The following AGAP1 variants were observed in gnomAD, a reference collection of about 807,000 sequenced individuals.
AGAP1 encodes ArfGAP with GTPase domain, ankyrin repeat and PH domain 1.
Under a neutral mutation model 105.3 loss-of-function variants are expected in AGAP1, and 29 were observed. The ratio of observed to expected loss-of-function variants is 0.28; its 90% CI spans 0.21 to 0.38. The LOEUF (loss-of-function observed/expected upper bound fraction) is 0.38, where lower values mean the gene tolerates loss of function less well. AGAP1 is among the 10% of genes least tolerant of loss of function. AGAP1 has a pLI of 1.00. For synonymous variants in AGAP1, 509 were observed against 485.9 expected, an observed-to-expected ratio of 1.05 and a Z score of -0.63; for missense variants, 998 against 1,165.1, an observed-to-expected ratio of 0.86 and a Z score of 2.09.
At chr2:235,802,533 T>C (rs971066806) in intron 8 of AGAP1, among the ~76,000 whole-genome samples, 11 of 152,188 alleles carry the variant, frequency 7.2e-5, no homozygotes, top group Non-Finnish European at 1.6e-4. Context: ...ACCACTGCAA[T>C]AGGTTTGCAT....
intron 9 of AGAP1, among the ~76,000 whole-genome samples, chr2:235,859,404 C>CG (rs2048829262): frequency 4.0e-5 from 4 of 98,976 alleles, no homozygotes; most frequent in African/African-American, 8.9e-5. Flanking sequence ...CCCCCCCCCC[C>CG]CCCGCCTTTT....
chr2:235,962,003 C>T lies in AGAP1; in HGVS notation c.1484-6459C>T, dbSNP rs73130482. ...CTGCTGGGGACAGGCTGGGGCAGGG[C>T]GGGGTGGAGGGTGTCCTCTTCTGAT... is the stretch of plus-strand genomic sequence containing the variant. On this transcript the variant is annotated intron_variant, in intron 12 of 17. Coordinates refer to ENST00000304032, the MANE Select transcript of AGAP1 (RefSeq NM_001037131.3). The surrounding 1 kb of genome is among the most constrained non-coding windows in gnomAD (Gnocchi z 5.3). Among the ~76,000 whole-genome samples, 854 of 152,206 alleles carry T rather than the reference C, an allele frequency of 5.6e-3. 5 individuals carry two copies. The highest frequency in any genetic ancestry group is 0.019 in the African/African-American group (804 of 41,540).
rs148142474 is a variant in AGAP1 at position 235,690,153 on chromosome 2, CT to C, written c.164-19025del. 1.3e-4 allele frequency among the ~76,000 whole-genome samples: 20 copies of C among 152,138 alleles called. No homozygotes were observed. Among genetic ancestry groups the C allele is most frequent in the African/African-American group, 4.6e-4 (19 of 41,526 alleles). On this transcript the variant is annotated intron_variant, in intron 1 of 17. Transcript: ENST00000304032. This position sits in a 1 kb window ranked among gnomAD's most constrained non-coding sequence, Gnocchi z 4.1. ...TTCCCCTCTCCCCCTACCTGAGGTACTGAGGGATCTCACTTGCTACCTGCTT... is the reference window on the plus strand; with the variant it reads ...TTCCCCTCTCCCCCTACCTGAGGTACGAGGGATCTCACTTGCTACCTGCTT...
At chr2:235,514,182 A>G (rs973199403) in intron 1 of AGAP1, among the ~76,000 whole-genome samples, 6 of 151,862 alleles carry the variant, frequency 4.0e-5, no homozygotes, top group Admixed American at 3.9e-4. Context: ...ACACACACAC[A>G]CATACCTCCT....
chr2:235,606,131 C>T (rs2149245637), intron 1 of AGAP1, among the ~76,000 whole-genome samples: 1 of 152,312 alleles, frequency 6.6e-6, no homozygotes, highest in Non-Finnish European at 1.5e-5. Flanking sequence ...GGCCATTTCC[C>T]CGGCCTTTCA....
At chr2:235,785,792 T>G (rs1260716618) in intron 6 of AGAP1, among the ~76,000 whole-genome samples, 2 of 152,240 alleles carry the variant, frequency 1.3e-5, no homozygotes, top group Non-Finnish European at 2.9e-5. Flanking sequence ...TCTGTCTTCA[T>G]AGTTTATCGT....
chr2:235,717,695 T>C, intron 3 of AGAP1, 51 bp downstream of exon 3: 1 of 1,493,322 alleles, frequency 6.7e-7, no homozygotes, highest in Non-Finnish European at 9.2e-7. Context: ...TTTTTTAAAA[T>C]TTTTCCTTAG....
chr2:235,761,465 G>A (rs140234885), intron 6 of AGAP1, among the ~76,000 whole-genome samples: 1 of 152,240 alleles, frequency 6.6e-6, no homozygotes, highest in African/African-American at 2.4e-5. Context: ...CATAGAAAAT[G>A]GTTATTTTAA....
intron 1 of AGAP1, among the ~76,000 whole-genome samples, chr2:235,688,849 A>G (rs1252166842): frequency 1.3e-5 from 2 of 152,082 alleles, no homozygotes; most frequent in Non-Finnish European, 2.9e-5. Context: ...TTCACCCGCT[A>G]GTGCTGTTTG....
At chr2:235,923,657 G>A (rs1168025005) in intron 11 of AGAP1, among the ~76,000 whole-genome samples, 2 of 152,146 alleles carry the variant, frequency 1.3e-5, no homozygotes, top group Non-Finnish European at 2.9e-5. Flanking sequence ...TGATGTCACC[G>A]CAGTTGTGGC....
chr2:235,728,326 T>TGTGTGC lies in AGAP1; in HGVS notation c.310+10683_310+10684insTGTGCG, dbSNP rs986896995. Among the ~76,000 whole-genome samples the TGTGTGC allele has an allele frequency of 6.6e-6, 1 of 151,628 alleles. No homozygotes were observed. Among genetic ancestry groups the TGTGTGC allele is most frequent in the African/African-American group, 2.4e-5 (1 of 41,084 alleles). On this transcript the variant is annotated intron_variant, in intron 3 of 17. Coordinates refer to ENST00000304032, the MANE Select transcript of AGAP1 (RefSeq NM_001037131.3). This position sits in a 1 kb window ranked among gnomAD's most constrained non-coding sequence, Gnocchi z 4.3. ...CTGTGTGTGTGTGTGTGTGTGTGTG[T>TGTGTGC]GCGTGCTCTTAAATCAATGTAAATT...
In AGAP1 at chr2:235,769,640, C is replaced by T. The variant is rs1236178262; in HGVS notation, c.673+19152C>T. Among the ~76,000 whole-genome samples the T allele has an allele frequency of 6.6e-6, 1 of 152,050 alleles. No individual in the cohort carries two copies. ...TTAGTGACATTCAGAGGAAATCCTTCCAACACAATATACAATTAATTGCTG... is the reference window on the plus strand; with the variant it reads ...TTAGTGACATTCAGAGGAAATCCTTTCAACACAATATACAATTAATTGCTG... On this transcript the variant is annotated intron_variant, in intron 6 of 17. Transcript: ENST00000304032. The surrounding 1 kb of genome is among the most constrained non-coding windows in gnomAD (Gnocchi z 4.4).
rs1950918572 is a variant in AGAP1, at chr2:235,712,801, G to A, written c.222+3564G>A. ...CTCATTCCTCCTCATGTAGCTCTTTGGCTCGCTCTGGATTGATTTCCTCCG... is the reference window on the plus strand; with the variant it reads ...CTCATTCCTCCTCATGTAGCTCTTTAGCTCGCTCTGGATTGATTTCCTCCG... On this transcript the variant is annotated intron_variant, in intron 2 of 17. Coordinates refer to ENST00000304032, the MANE Select transcript of AGAP1 (RefSeq NM_001037131.3). The surrounding 1 kb of genome is among the most constrained non-coding windows in gnomAD (Gnocchi z 6.0). Among the ~76,000 whole-genome samples, 1 of 152,184 alleles carries A rather than the reference G, an allele frequency of 6.6e-6. No individual in the cohort carries two copies. The highest frequency in any genetic ancestry group is 1.5e-5 in the Non-Finnish European group (1 of 68,036).
chr2:235,529,110 C>G (rs1335388598), intron 1 of AGAP1, among the ~76,000 whole-genome samples: 1 of 152,226 alleles, frequency 6.6e-6, no homozygotes, highest in Non-Finnish European at 1.5e-5. Flanking sequence ...TCTGTGGCCC[C>G]TAGGCCACAC....
chr2:236,094,421 G>A (rs569535255), intron 16 of AGAP1, among the ~76,000 whole-genome samples: 19 of 150,034 alleles, frequency 1.3e-4, no homozygotes, highest in East Asian at 5.9e-4. Flanking sequence ...GCTCAATCAC[G>A]GCCCACTGCA....
chr2:235,790,217 T>C (rs574315816), intron 6 of AGAP1, among the ~76,000 whole-genome samples: 23 of 152,272 alleles, frequency 1.5e-4, no homozygotes, highest in Admixed American at 8.5e-4. Flanking sequence ...TTTCGGAGTT[T>C]AGCTAAAACT....
At chr2:235,708,177 AGAGT>A (rs1950648901) in intron 1 of AGAP1, among the ~76,000 whole-genome samples, 2 of 152,246 alleles carry the variant, frequency 1.3e-5, no homozygotes, top group Admixed American at 6.5e-5. Flanking sequence ...GACATAATGT[AGAGT>A]GAGTAAGTTT....
chr2:235,803,228 G>A (rs781341831), intron 8 of AGAP1, among the ~76,000 whole-genome samples: 32 of 151,986 alleles, frequency 2.1e-4, no homozygotes, highest in Admixed American at 9.2e-4. Context: ...TGATGCATGC[G>A]GTGTAGTCTT....
chr2:235,759,651 C>T (rs774414162), intron 6 of AGAP1, among the ~76,000 whole-genome samples: 4 of 152,130 alleles, frequency 2.6e-5, no homozygotes, highest in Non-Finnish European at 4.4e-5. Context: ...GAGGAAGAAG[C>T]CTTGGTGGGT....
Sources: allele counts gnomAD v4.1 joint callset (sites outside exome capture counted in the v4.1 genomes callset), GRCh38; gene constraint gnomAD v4.1.1; non-coding constraint Gnocchi (gnomAD v3.1); transcripts MANE v1.5; gene names NCBI Gene and HGNC (gene_info 2026-07-23, HGNC 2026-07-21).